NEURL1B: variants seen among roughly 807,000 people sequenced by gnomAD.
NEURL1B encodes E3 ubiquitin-protein ligase NEURL1B.
In NEURL1B, 13 loss-of-function variants were observed where a neutral mutation model predicts 37.4. That is an observed-to-expected ratio of 0.35 (90% confidence interval 0.23 to 0.55). NEURL1B has a LOEUF of 0.55. NEURL1B is among the 20% of genes least tolerant of loss of function. The pLI is 0.89. For synonymous variants in NEURL1B, 432 were observed against 426.6 expected (o/e 1.01, Z -0.16); for missense variants, 790 against 879.2 (o/e 0.90, Z 1.28).
chr5:172,663,341 T>C (rs1402263292), intron 1 of NEURL1B, among the ~76,000 whole-genome samples: 2 of 151,452 alleles, frequency 1.3e-5, no homozygotes, highest in East Asian at 3.9e-4. Flanking sequence ...GCCAATATGG[T>C]GAAACCCTGT....
chr5:172,663,425 G>A (rs932527898), intron 1 of NEURL1B, among the ~76,000 whole-genome samples: 2 of 151,468 alleles, frequency 1.3e-5, no homozygotes, highest in Non-Finnish European at 2.9e-5. Flanking sequence ...GGAGGCTGAG[G>A]CAGGAGAATC....
chr5:172,678,869 T>C (rs1326794279), intron 2 of NEURL1B, among the ~76,000 whole-genome samples: 1 of 152,244 alleles, frequency 6.6e-6, no homozygotes, highest in African/African-American at 2.4e-5. Context: ...ATGGTTTCAT[T>C]TGAGACATAC....
At chr5:172,667,065 G>A (rs1758027458) in intron 1 of NEURL1B, among the ~76,000 whole-genome samples, 1 of 151,976 alleles carries the variant, frequency 6.6e-6, no homozygotes, top group East Asian at 1.9e-4. Flanking sequence ...ACAACCCCCT[G>A]CCCTCCAGGA....
intron 2 of NEURL1B, among the ~76,000 whole-genome samples, chr5:172,682,365 A>T (rs1377869395): frequency 6.6e-6 from 1 of 152,206 alleles, no homozygotes; most frequent in South Asian, 2.1e-4. Context: ...ACTTGAGGTC[A>T]GGAGTTCAGG....
At position 172,686,965 on chromosome 5, in the gene NEURL1B, T is replaced by C; in HGVS notation, c.*40T>C. The C allele has an allele frequency of 6.6e-7, 1 of 1,523,528 alleles. No homozygotes were observed. Among genetic ancestry groups the C allele is most frequent in the Non-Finnish European group, 8.9e-7 (1 of 1,127,022 alleles). 94.4% of individuals were successfully genotyped at this position (1,523,528 alleles called of 1,614,324 possible). A position where few individuals can be genotyped will look rare whatever the true frequency, so the allele number is the denominator to read the frequency against. On this transcript the variant is annotated 3_prime_UTR_variant, in exon 5 of 5. Transcript: ENST00000369800. This position sits in a 1 kb window ranked among gnomAD's most constrained non-coding sequence, Gnocchi z 7.9. ...GGGCCTTGGCCGGTGCAAGGTCACC[T>C]TTCTGAAGGCCCCCTGGGCTGGGCA...
intron 1 of NEURL1B, among the ~76,000 whole-genome samples, chr5:172,663,468 C>T (rs1757942182): frequency 6.8e-6 from 1 of 147,982 alleles, no homozygotes; most frequent in Non-Finnish European, 1.5e-5. Context: ...TTGCAGTGAG[C>T]CAAGATCACA....
At chr5:172,662,304 C>G (rs1757918282) in intron 1 of NEURL1B, 1 of 154,122 alleles carries the variant, frequency 6.5e-6, no homozygotes, top group African/African-American at 2.4e-5. Context: ...ACCGCAAGAT[C>G]ACACAGCTAA....
intron 1 of NEURL1B, among the ~76,000 whole-genome samples, chr5:172,668,803 A>G (rs1045828498): frequency 2.6e-5 from 4 of 152,118 alleles, no homozygotes; most frequent in African/African-American, 7.2e-5. Flanking sequence ...CTAGGATGGG[A>G]GAAGGAAAGG....
chr5:172,652,285 G>A (rs1757682311), intron 1 of NEURL1B, among the ~76,000 whole-genome samples: 1 of 152,238 alleles, frequency 6.6e-6, no homozygotes, highest in South Asian at 2.1e-4. Flanking sequence ...CTACCATGCA[G>A]GCCACACCTG....
intron 1 of NEURL1B, among the ~76,000 whole-genome samples, chr5:172,643,953 A>G (rs1219692292): frequency 2.0e-5 from 3 of 151,544 alleles, no homozygotes; most frequent in Non-Finnish European, 4.4e-5. Context: ...CATGGCTCCC[A>G]CCAGGCTTCC....
At position 172,683,331 on chromosome 5, in the gene NEURL1B, C is replaced by G. The variant is rs1404896372; in HGVS notation, c.578-88C>G. The G allele has an allele frequency of 2.4e-6, 3 of 1,247,844 alleles. No homozygotes were observed. Among genetic ancestry groups the G allele is most frequent in the Non-Finnish European group, 1.0e-6 (1 of 992,498 alleles). 77.3% of individuals were successfully genotyped at this position (1,247,844 alleles called of 1,614,324 possible). On this transcript the variant is annotated intron_variant, in intron 2 of 4. Coordinates refer to ENST00000369800, the MANE Select transcript of NEURL1B (RefSeq NM_001142651.3). This position sits in a 1 kb window ranked among gnomAD's most constrained non-coding sequence, Gnocchi z 5.6. ...TCGAGGCCCGGGTCGGTCGTGGAGG[C>G]CTGCAGGAGGCAGCGGGCGAGGAGG...
intron 2 of NEURL1B, among the ~76,000 whole-genome samples, chr5:172,681,615 G>A (rs1758355202): frequency 6.6e-6 from 1 of 152,168 alleles, no homozygotes; most frequent in Non-Finnish European, 1.5e-5. Context: ...AGCTTCTTTA[G>A]CCCATTGTGG....
Position 172,684,042 on chromosome 5 carries a change from C to T in NEURL1B, c.1201C>T (p.Arg401Cys). Residue 401 changes from arginine to cysteine, a missense_variant, in exon 3 of 5, where the codon CGT becomes TGT. By Grantham distance (180) the Arg-to-Cys change is radical. Transcript: ENST00000369800. ...GGDVLLGING[R>C]PRGRLLCVDT... ...CGACGTGCTCCTGGGCATCAACGGGCGTCCGCGCGGCCGCCTGCTGTGCGT... is the reference window on the plus strand; with the variant it reads ...CGACGTGCTCCTGGGCATCAACGGGTGTCCGCGCGGCCGCCTGCTGTGCGT... The T allele has an allele frequency of 9.7e-6, 13 of 1,334,264 alleles. No homozygotes were observed. Among genetic ancestry groups the T allele is most frequent in the Non-Finnish European group, 1.2e-5 (13 of 1,040,036 alleles). 82.7% of individuals were successfully genotyped at this position (1,334,264 alleles called of 1,614,324 possible). A position where few individuals can be genotyped will look rare whatever the true frequency, so the allele number is the denominator to read the frequency against.
In NEURL1B at chr5:172,660,410, C is replaced by T. The variant is rs149350680; in HGVS notation, c.32-9375C>T. On this transcript the variant is annotated intron_variant, in intron 1 of 4. Coordinates refer to ENST00000369800, the MANE Select transcript of NEURL1B (RefSeq NM_001142651.3). Reference sequence around the variant, plus strand: ...GCTTTTCTCCCCACAAGCAGCATTGCGACCTCTGGCCTCTCTGGGATGTCC... The same window carrying T: ...GCTTTTCTCCCCACAAGCAGCATTGTGACCTCTGGCCTCTCTGGGATGTCC... Among the ~76,000 whole-genome samples the T allele has an allele frequency of 1.4e-4, 22 of 152,280 alleles. No individual in the cohort carries two copies. In the East Asian group the frequency reaches 3.7e-3, roughly 26 times the overall value.
rs372596849 is a variant in NEURL1B, at chr5:172,641,923, C to A, written c.31+486C>A. Among the ~76,000 whole-genome samples, 1 of 152,178 alleles carries A rather than the reference C, an allele frequency of 6.6e-6. No homozygotes were observed. Among genetic ancestry groups the A allele is most frequent in the African/African-American group, 2.4e-5 (1 of 41,460 alleles). On this transcript the variant is annotated intron_variant, in intron 1 of 4. Transcript: ENST00000369800. The surrounding 1 kb of genome is among the most constrained non-coding windows in gnomAD (Gnocchi z 6.4). ...CCAGCGCCCCCGCGGCACATGCTGC[C>A]GTGCTTTGGCCACGTTCCCACGCGC...
chr5:172,660,767 G>A (rs1383838500), intron 1 of NEURL1B, among the ~76,000 whole-genome samples: 2 of 152,068 alleles, frequency 1.3e-5, no homozygotes, highest in Admixed American at 6.5e-5. Flanking sequence ...CAGCCTCCAA[G>A]TAGCTGGGAT....
chr5:172,658,967 C>T (rs1025053613), intron 1 of NEURL1B, among the ~76,000 whole-genome samples: 14 of 151,994 alleles, frequency 9.2e-5, no homozygotes, highest in East Asian at 5.8e-4. Flanking sequence ...CCCCAAGTTC[C>T]GCCAAACTGT....
At chr5:172,642,401 G>A (rs1757481542) in intron 1 of NEURL1B, among the ~76,000 whole-genome samples, 1 of 152,164 alleles carries the variant, frequency 6.6e-6, no homozygotes, top group Admixed American at 6.5e-5. Context: ...TTGTCTTAAG[G>A]CTGGGCCTTT....
At chr5:172,679,990 A>T (rs187750214) in intron 2 of NEURL1B, among the ~76,000 whole-genome samples, 8 of 152,266 alleles carry the variant, frequency 5.3e-5, no homozygotes, top group Non-Finnish European at 1.2e-4. Context: ...AGTTTTCTGT[A>T]AGATGGCTTC....
Sources: allele counts gnomAD v4.1 joint callset (sites outside exome capture counted in the v4.1 genomes callset), GRCh38; gene constraint gnomAD v4.1.1; non-coding constraint Gnocchi (gnomAD v3.1); transcripts MANE v1.5; gene names NCBI Gene and HGNC (gene_info 2026-07-23, HGNC 2026-07-21).